Variants in ECH1 observed in about 807,000 individuals in gnomAD.
ECH1 encodes delta(3,5)-Delta(2,4)-dienoyl-CoA isomerase, mitochondrial.
In ECH1, 30 loss-of-function variants were observed where a neutral mutation model predicts 37.0. The ratio of observed to expected loss-of-function variants is 0.81; its 90% CI spans 0.61 to 1.10. ECH1 has a LOEUF of 1.10. ECH1 is among the 50% of genes least tolerant of loss of function. The pLI is 0.00. For missense variants in ECH1, 456 were observed against 441.6 expected (o/e 1.03, Z -0.29); for synonymous variants, 178 against 176.0 (o/e 1.01, Z -0.09).
chr19:38,831,111 C>T lies in ECH1; in HGVS notation c.316G>A (p.Val106Met). The T allele has an allele frequency of 6.2e-7, 1 of 1,613,882 alleles. No homozygotes were observed. The highest frequency in any genetic ancestry group is 8.5e-7 in the Non-Finnish European group (1 of 1,179,978). Residue 106 changes from valine (V) to methionine (M), a missense_variant, in exon 3 of 10, where the codon GTG becomes ATG. Transcript: ENST00000221418. ...ISRDADCRAVVISGAGKMFTA... is the reference protein window; with the variant it reads ...ISRDADCRAVMISGAGKMFTA... ...AACATTTTTCCTGCACCAGAGATCA[C>T]CACCGCCCGACAGTCAGCGTCTCTC...
At position 38,831,399 on chromosome 19, in the gene ECH1, G is replaced by A. The variant is rs150353824; in HGVS notation, c.170C>T (p.Ser57Phe). The change falls in exon 2 of 10, where the codon TCC becomes TTC. Residue 57 changes from serine to phenylalanine, a missense_variant. Physicochemically the swap from Ser to Phe is radical, Grantham distance 155. Transcript: ENST00000221418. ...LGEAPDHSYE[S>F]LRVTSAQKHV... is the part of the protein sequence containing the mutation. ...TTTCTGCGCAGACGTCACACGAAGG[G>A]ACTCATAGCTGTGGTCTGGGGCTTC... The A allele has an allele frequency of 6.2e-7, 1 of 1,614,040 alleles. No homozygotes were observed. The highest frequency in any genetic ancestry group is 8.5e-7 in the Non-Finnish European group (1 of 1,180,016).
rs755375703 is a variant in ECH1 at position 38,816,310 on chromosome 19, G to T, written c.705C>A (p.Asp235Glu). The T allele has an allele frequency of 6.2e-6, 10 of 1,613,486 alleles. No individual in the cohort carries two copies. In the African/African-American group the frequency reaches 1.2e-4, roughly 19 times the overall value. ...LAFTARKMMA[D>E]EALGSGLVSR... ...TGACCAGCCCACTGCCCAGGGCCTCGTCAGCCATCATCTTGCGGGCGGTGA... is the reference window on the plus strand; with the variant it reads ...TGACCAGCCCACTGCCCAGGGCCTCTTCAGCCATCATCTTGCGGGCGGTGA... The change falls in exon 8 of 10, where the codon GAC (aspartate) becomes GAA (glutamate). Residue 235 changes from aspartate (D) to glutamate (E), a missense_variant. Coordinates refer to ENST00000221418, the MANE Select transcript of ECH1 (RefSeq NM_001398.3).
chr19:38,817,059 A>T lies in ECH1; in HGVS notation c.588+6T>A. The T allele has an allele frequency of 6.4e-7, 1 of 1,566,824 alleles. No individual in the cohort carries two copies. Among genetic ancestry groups the T allele is most frequent in the South Asian group, 1.2e-5 (1 of 84,850 alleles). ...CTCTAAGCAGGAGCTCGGGAGGATG[A>T]CTCACCTTCACCTGGAAGAAAGCAT... On this transcript the variant is annotated splice_donor_region_variant and intron_variant, in intron 6 of 9. Coordinates refer to ENST00000221418, the MANE Select transcript of ECH1 (RefSeq NM_001398.3).
In ECH1 at chr19:38,818,483, TTTTTA is replaced by T. The variant is rs1365668920; in HGVS notation, c.350-913_350-909del. 15 of 713,422 alleles carry T rather than the reference TTTTTA, an allele frequency of 2.1e-5. No individual in the cohort carries two copies. In the Admixed American group the frequency reaches 8.8e-4, roughly 42 times the overall value. 44.2% of individuals were successfully genotyped at this position (713,422 alleles called of 1,614,324 possible). A position where few individuals can be genotyped will look rare whatever the true frequency, so the allele number is the denominator to read the frequency against. The stretch of plus-strand genomic sequence containing the variant: ...ACCTTCTTGGGTCAGATCCTCTTTT[TTTTTA>T]TTTTATTTTTTTTATTTCAGACAGA... On this transcript the variant is annotated intron_variant, in intron 3 of 9. Transcript: ENST00000221418.
chr19:38,824,939 G>A (rs1331341741), intron 3 of ECH1, among the ~76,000 whole-genome samples: 1 of 152,154 alleles, frequency 6.6e-6, no homozygotes, highest in East Asian at 1.9e-4. Flanking sequence ...TCCCACCCGG[G>A]TACATGTCCC....
Position 38,831,525 on chromosome 19 carries a change from A to G in ECH1, c.53-9T>C. On this transcript the variant is annotated splice_polypyrimidine_tract_variant and intron_variant, in intron 1 of 9. Coordinates refer to ENST00000221418, the MANE Select transcript of ECH1 (RefSeq NM_001398.3). The stretch of plus-strand genomic sequence containing the variant: ...GTTGGAGCCTGTCAGTCCTGGGGAG[A>G]AAGGAACAGCCTTTGATGACCCCAG... 1 of 1,610,972 alleles carries G rather than the reference A, an allele frequency of 6.2e-7. No individual in the cohort carries two copies. The highest frequency in any genetic ancestry group is 1.1e-5 in the South Asian group (1 of 90,800).
At chr19:38,827,646 C>G (rs1971758756) in intron 3 of ECH1, among the ~76,000 whole-genome samples, 1 of 152,146 alleles carries the variant, frequency 6.6e-6, no homozygotes, top group South Asian at 2.1e-4. Flanking sequence ...GCCCTAATCT[C>G]TTGCTGGGAG....
Position 38,815,576 on chromosome 19 carries a change from G to A in ECH1, c.*37C>T, listed in dbSNP as rs748239184. On this transcript the variant is annotated 3_prime_UTR_variant, in exon 10 of 10. Transcript: ENST00000221418. ...CTTTCTGTGGATGAGGCGGGACAAG[G>A]CCGGCCCCCTGGCTGGGGCCTGGGA... The A allele has an allele frequency of 6.3e-7, 1 of 1,592,168 alleles. No homozygotes were observed. Among genetic ancestry groups the A allele is most frequent in the South Asian group, 1.1e-5 (1 of 90,462 alleles).
intron 6 of ECH1, 69 bp from the exon 7 acceptor site, chr19:38,816,592 T>C (rs990951952): frequency 7.1e-6 from 11 of 1,555,452 alleles, no homozygotes; most frequent in Non-Finnish European, 9.7e-6. Context: ...TCAACGTCCA[T>C]GAAATTTCAT....
At position 38,818,901 on chromosome 19, in the gene ECH1, C is replaced by CTGTGTGTGTGTG. The variant is rs761871749; in HGVS notation, c.350-1338_350-1327dup. The stretch of plus-strand genomic sequence containing the variant: ...ACTTTGGGCACACTGGCCTCCAACT[C>CTGTGTGTGTGTG]TGTGTGTGTGTGTGTGTGTGTGTGT... On this transcript the variant is annotated intron_variant, in intron 3 of 9. Coordinates refer to ENST00000221418, the MANE Select transcript of ECH1 (RefSeq NM_001398.3). Among the ~76,000 whole-genome samples, 1,167 of 133,582 alleles carry CTGTGTGTGTGTG rather than the reference C, an allele frequency of 8.7e-3. 10 individuals carry two copies. The highest frequency in any genetic ancestry group is 0.012 in the Non-Finnish European group (781 of 63,578). 87.6% of individuals were successfully genotyped at this position (133,582 alleles called of 152,430 possible). A position where few individuals can be genotyped will look rare whatever the true frequency, so the allele number is the denominator to read the frequency against.
chr19:38,818,957 G>C (rs976849721), intron 3 of ECH1: 1 of 195,042 alleles, frequency 5.1e-6, no homozygotes, highest in African/African-American at 2.5e-5. Flanking sequence ...CTGTTACTTT[G>C]GGCACACTGG....
chr19:38,831,213 G>A (rs1971816222), intron 2 of ECH1, 47 bp from the exon 3 acceptor site: 1 of 1,610,354 alleles, frequency 6.2e-7, no homozygotes, highest in East Asian at 2.2e-5. Context: ...GGAATACCCT[G>A]CCCTCATGTC....
chr19:38,828,431 C>G (rs867910147), intron 3 of ECH1, among the ~76,000 whole-genome samples: 1 of 150,158 alleles, frequency 6.7e-6, no homozygotes, highest in South Asian at 2.1e-4. Flanking sequence ...GGGGTTTCAC[C>G]ATGTTGGCCA....
chr19:38,819,136 G>C, intron 3 of ECH1: 1 of 985,338 alleles, frequency 1.0e-6, no homozygotes, highest in South Asian at 4.7e-5. Context: ...AAAGAAAATG[G>C]CAGGACAGAG....
chr19:38,817,340 C>A lies in ECH1; in HGVS notation c.499G>T (p.Val167Phe). The change falls in exon 5 of 10, where the codon GTC becomes TTC. Residue 167 changes from valine to phenylalanine, a missense_variant. By Grantham distance (50) the Val-to-Phe change is conservative. Transcript: ENST00000221418. ...ERCPKPVIAA[V>F]HGGCIGGGVD... ...CCTCCGCCAATGCAGCCCCCATGGA[C>A]GGCAGCAATCACGGGCTTGGGGCAC... is the stretch of plus-strand genomic sequence containing the variant. 6.3e-7 allele frequency: 1 copy of A among 1,579,826 alleles called. No individual in the cohort carries two copies.
intron 8 of ECH1, 91 bp downstream of exon 8, chr19:38,816,193 C>G: frequency 6.5e-7 from 1 of 1,536,262 alleles, no homozygotes; most frequent in Admixed American, 1.9e-5. Flanking sequence ...ACTAGGAATT[C>G]TAGAGCGAGG....
chr19:38,821,250 G>A (rs1172190683), intron 3 of ECH1, among the ~76,000 whole-genome samples: 1 of 152,210 alleles, frequency 6.6e-6, no homozygotes, highest in African/African-American at 2.4e-5. Context: ...GGAGGCTGCA[G>A]TGAGCTGAGA....
At chr19:38,828,608 TTTTTG>T (rs1470991661) in intron 3 of ECH1, among the ~76,000 whole-genome samples, 1 of 149,188 alleles carries the variant, frequency 6.7e-6, no homozygotes, top group African/African-American at 2.5e-5. Context: ...AGATAAGGAG[TTTTTG>T]TTTTGTTTTT....
At chr19:38,825,244 C>T (rs1358257529) in intron 3 of ECH1, among the ~76,000 whole-genome samples, 2 of 152,204 alleles carry the variant, frequency 1.3e-5, no homozygotes, top group Non-Finnish European at 2.9e-5. Flanking sequence ...TGGATCCCCA[C>T]TGGGACCTTG....
Sources: allele counts gnomAD v4.1 joint callset (sites outside exome capture counted in the v4.1 genomes callset), GRCh38; gene constraint gnomAD v4.1.1; transcripts MANE v1.5; gene names NCBI Gene and HGNC (gene_info 2026-07-23, HGNC 2026-07-21).